Variants in HOXC6 observed in about 807,000 individuals in gnomAD.
HOXC6 encodes the protein homeobox protein Hox-C6.
HOXC6 carries 10 observed loss-of-function variants against 24.0 expected under a neutral mutation model. That is an observed-to-expected ratio of 0.42 (90% CI 0.26 to 0.71). The LOEUF is 0.71. Ranked by LOEUF, HOXC6 falls within the 30% of genes least tolerant of loss-of-function variation. The probability of loss-of-function intolerance (pLI) is 0.28; values close to 1 mark genes in which losing one functional copy is unlikely to be tolerated. For missense variants in HOXC6, 258 were observed against 303.4 expected, an observed-to-expected ratio of 0.85 and a Z score of 1.11; for synonymous variants, 123 against 128.1, an observed-to-expected ratio of 0.96 and a Z score of 0.27.
At chr12:54,022,943 C>T (rs1480582093) in intron 1 of HOXC6, among the ~76,000 whole-genome samples, 1 of 152,208 alleles carries the variant, frequency 6.6e-6, no homozygotes, top group African/African-American at 2.4e-5. Context: ...ATTGCGGCTT[C>T]TTCCTCATGT....
intron 1 of HOXC6, chr12:54,020,420 G>GCCCTGC (rs1940383112): frequency 6.6e-6 from 1 of 152,208 alleles, no homozygotes; most frequent in African/African-American, 2.4e-5. Context: ...GAATTGGGCA[G>GCCCTGC]AGCAAACCCT....
chr12:54,028,915 C>T lies in HOXC6; in HGVS notation c.394C>T (p.His132Tyr), dbSNP rs1449386202. The change falls in exon 1 of 2, where the codon CAC becomes TAC. Residue 132 changes from histidine (H) to tyrosine (Y), a missense_variant. Physicochemically the swap from His to Tyr is moderately conservative, Grantham distance 83 (BLOSUM62 2). Coordinates refer to ENST00000243108, the MANE Select transcript of HOXC6 (RefSeq NM_004503.4). ...CCCCTGGATGCAGCGAATGAATTCGCACAGTGGTGAGTTTTACAGCTCCGA... is the reference window on the plus strand; with the variant it reads ...CCCCTGGATGCAGCGAATGAATTCGTACAGTGGTGAGTTTTACAGCTCCGA... ...IYPWMQRMNSHSGVGYGADRR... is the reference protein window; with the variant it reads ...IYPWMQRMNSYSGVGYGADRR... The T allele has an allele frequency of 6.2e-7, 1 of 1,608,770 alleles. No individual in the cohort carries two copies. Among genetic ancestry groups the T allele is most frequent in the Non-Finnish European group, 8.5e-7 (1 of 1,179,330 alleles).
chr12:54,025,539 A>C (rs7966202), upstream of HOXC6, among the ~76,000 whole-genome samples: 13 of 23,734 alleles, frequency 5.5e-4, no homozygotes, highest in East Asian at 6.1e-3. Context: ...GGGGGGGGGG[A>C]GGTGTTGAAA....
exon 1 of HOXC6, chr12:54,017,075 A>C (rs1036358600): frequency 2.7e-4 from 41 of 151,494 alleles, no homozygotes; most frequent in African/African-American, 9.7e-4. Context: ...ATGGGAGGGG[A>C]GAGACAGAAG....
chr12:54,026,945 C>G (rs573890653), upstream of HOXC6, among the ~76,000 whole-genome samples: 69 of 138,726 alleles, frequency 5.0e-4, no homozygotes, highest in African/African-American at 1.6e-3. Context: ...TTCCCCCCCC[C>G]CAACCCACCC....
At chr12:54,024,274 G>T (rs1201707808), upstream of HOXC6, among the ~76,000 whole-genome samples, 2 of 152,190 alleles carry the variant, frequency 1.3e-5, no homozygotes, top group African/African-American at 4.8e-5. Context: ...CTGCGGTCGC[G>T]TCCAGGCAGC....
At chr12:54,026,973 G>T (rs929142089), upstream of HOXC6, among the ~76,000 whole-genome samples, 1 of 140,810 alleles carries the variant, frequency 7.1e-6, no homozygotes, top group South Asian at 2.2e-4. Flanking sequence ...GTGGGGGGGG[G>T]GGGATATGAG....
At chr12:54,026,936 TC>T (rs60226451), upstream of HOXC6, among the ~76,000 whole-genome samples, 945 of 138,214 alleles carry the variant, frequency 6.8e-3, 4 homozygotes, top group East Asian at 0.011. Context: ...TAGCCAGCTT[TC>T]CCCCCCCCCA....
rs571612814 is a variant in HOXC6 at position 54,028,773 on chromosome 12, C to T, written c.252C>T (p.Leu84=). The T allele has an allele frequency of 6.2e-7, 1 of 1,614,150 alleles. No homozygotes were observed. Among genetic ancestry groups the T allele is most frequent in the Admixed American group, 1.7e-5 (1 of 60,018 alleles). The change falls in exon 1 of 2, where the codon CTC becomes CTT. Residue 84 remains leucine, a synonymous_variant. Coordinates refer to ENST00000243108, the MANE Select transcript of HOXC6 (RefSeq NM_004503.4). ...SNSFYQEKDM[L]SNCRQNTLGH... is the part of the protein sequence containing the mutation. ...CCTTTTACCAGGAGAAAGACATGCT[C>T]TCAAACTGCAGACAAAACACCTTAG...
intron 1 of HOXC6, chr12:54,020,624 A>G (rs1219089598): frequency 2.0e-5 from 3 of 152,216 alleles, no homozygotes; most frequent in African/African-American, 2.4e-5. Flanking sequence ...GGTTAATTGT[A>G]TATTACCATG....
intron 1 of HOXC6, among the ~76,000 whole-genome samples, chr12:54,029,328 GC>G (rs1360678301): frequency 1.3e-5 from 2 of 152,108 alleles, no homozygotes; most frequent in Non-Finnish European, 2.9e-5. Context: ...GAGAAAGGGG[GC>G]CCTCATCCCC....
chr12:54,025,408 G>C (rs960773439), upstream of HOXC6, among the ~76,000 whole-genome samples: 1 of 151,810 alleles, frequency 6.6e-6, no homozygotes, highest in African/African-American at 2.4e-5. Flanking sequence ...AGGGAAGATC[G>C]GGCTCATCTG....
At position 54,029,780 on chromosome 12, in the gene HOXC6, A is replaced by G. The variant is rs751262560; in HGVS notation, c.526A>G (p.Asn176Asp). Reference protein sequence around the residue: ...LTRRRRIEIANALCLTERQIK... With the variant: ...LTRRRRIEIADALCLTERQIK... ...GCGGCGCCGGCGCATCGAGATCGCC[A>G]ACGCGCTTTGCCTGACCGAGCGACA... is the stretch of plus-strand genomic sequence containing the variant. The change falls in exon 2 of 2, where the codon AAC becomes GAC. Residue 176 changes from asparagine to aspartate, a missense_variant. By Grantham distance (23) the Asn-to-Asp change is conservative. Transcript: ENST00000243108. The G allele has an allele frequency of 1.4e-5, 22 of 1,614,150 alleles. No homozygotes were observed. Among genetic ancestry groups the G allele is most frequent in the Non-Finnish European group, 1.7e-5 (20 of 1,180,032 alleles).
chr12:54,025,993 T>A (rs1403727080), upstream of HOXC6, among the ~76,000 whole-genome samples: 1 of 152,004 alleles, frequency 6.6e-6, no homozygotes. Flanking sequence ...TCAACACTCA[T>A]TGAAAGTGAA....
At chr12:54,029,095 T>C (rs1940865919) in intron 1 of HOXC6, among the ~76,000 whole-genome samples, 174 bp downstream of exon 1, 1 of 150,970 alleles carries the variant, frequency 6.6e-6, no homozygotes, top group Admixed American at 6.6e-5. Flanking sequence ...TCTCGCTCGC[T>C]TGCAGGGGCC....
rs1272518896 is a variant in HOXC6 at position 54,028,507 on chromosome 12, G to A, written c.-15G>A. ...TATTAAAGAAATCATAGACCGACCA[G>A]GTAAAGGCAAAGGGATGAATTCCTA... On this transcript the variant is annotated 5_prime_UTR_variant, in exon 1 of 2. Coordinates refer to ENST00000243108, the MANE Select transcript of HOXC6 (RefSeq NM_004503.4). 8.7e-6 allele frequency: 14 copies of A among 1,611,488 alleles called. No individual in the cohort carries two copies. Among genetic ancestry groups the A allele is most frequent in the Non-Finnish European group, 1.2e-5 (14 of 1,178,548 alleles).
chr12:54,029,490 G>C (rs1319533204), intron 1 of HOXC6, 165 bp from the exon 2 acceptor site: 4 of 553,064 alleles, frequency 7.2e-6, no homozygotes, highest in Non-Finnish European at 1.2e-5. Context: ...GGTCCTCGCT[G>C]TACCCCCAGT....
chr12:54,023,219 G>T (rs1940529456), intron 1 of HOXC6, among the ~76,000 whole-genome samples: 1 of 152,206 alleles, frequency 6.6e-6, no homozygotes, highest in South Asian at 2.1e-4. Context: ...ATTTTTTCCA[G>T]ATGGAGCTGG....
At chr12:54,022,319 G>A (rs980171237) in intron 1 of HOXC6, 1 of 152,114 alleles carries the variant, frequency 6.6e-6, no homozygotes, top group Non-Finnish European at 1.5e-5. Flanking sequence ...CCCCAAAATT[G>A]CAGTGAATTT....
Sources: gnomAD v4.1 joint callset for allele counts (sites outside exome capture counted in the v4.1 genomes callset) on GRCh38, gnomAD v4.1.1 for gene constraint, MANE v1.5 for transcripts, NCBI Gene and HGNC (gene_info 2026-07-23, HGNC 2026-07-21) for gene names.